Variants in ALCAM observed in about 807,000 individuals in gnomAD.
ALCAM encodes the protein CD166 antigen.
In ALCAM, 30 loss-of-function variants were observed where a neutral mutation model predicts 70.9. That is an observed-to-expected ratio of 0.42 (90% CI 0.32 to 0.57). The LOEUF (loss-of-function observed/expected upper bound fraction) is 0.57. Ranked by LOEUF, ALCAM falls within the 20% of genes least tolerant of loss-of-function variation. ALCAM has a pLI of 0.11. For synonymous variants in ALCAM, 249 were observed against 242.5 expected (o/e 1.03, Z -0.25); for missense variants, 591 against 695.1 (o/e 0.85, Z 1.68).
chr3:105,555,461 A>G (rs1241399976), intron 14 of ALCAM, among the ~76,000 whole-genome samples: 1 of 152,038 alleles, frequency 6.6e-6, no homozygotes, highest in Non-Finnish European at 1.5e-5. Flanking sequence ...AGTCTTCTTA[A>G]CCCTTCAAGC....
In ALCAM at chr3:105,571,940, G is replaced by C. The variant is rs1940868135; in HGVS notation, c.*1G>C. The C allele has an allele frequency of 6.2e-7, 1 of 1,607,944 alleles. No individual in the cohort carries two copies. Among genetic ancestry groups the C allele is most frequent in the Admixed American group, 1.7e-5 (1 of 59,832 alleles). On this transcript the variant is annotated 3_prime_UTR_variant, in exon 15 of 16. Coordinates refer to ENST00000306107, the MANE Select transcript of ALCAM (RefSeq NM_001627.4). ...AAACAATCACAAAACTGAAGCCTAA[G>C]AGAGAAACTGTCCTAGTTGTCCAGG...
chr3:105,379,661 A>G (rs1935467259), intron 1 of ALCAM, among the ~76,000 whole-genome samples: 1 of 151,802 alleles, frequency 6.6e-6, no homozygotes, highest in African/African-American at 2.4e-5. Context: ...TAAATACATT[A>G]TTTCTCAAGT....
chr3:105,570,142 A>T (rs566778132), intron 14 of ALCAM, among the ~76,000 whole-genome samples: 1 of 152,182 alleles, frequency 6.6e-6, no homozygotes, highest in Non-Finnish European at 1.5e-5. Flanking sequence ...AAGAGTCAAG[A>T]AAATACAATC....
chr3:105,528,631 C>T (rs1343084603), intron 3 of ALCAM, among the ~76,000 whole-genome samples: 2 of 152,094 alleles, frequency 1.3e-5, no homozygotes, highest in East Asian at 3.9e-4. Flanking sequence ...AACACAGGAA[C>T]AGAAACCAAA....
chr3:105,532,149 G>A (rs1939855985), intron 4 of ALCAM, 83 bp downstream of exon 4: 1 of 1,182,952 alleles, frequency 8.5e-7, no homozygotes, highest in East Asian at 2.3e-5. Context: ...AGACAAGTAA[G>A]AAAGGCTTTG....
chr3:105,481,875 T>C (rs142912518), intron 1 of ALCAM, among the ~76,000 whole-genome samples: 4 of 152,300 alleles, frequency 2.6e-5, no homozygotes, highest in African/African-American at 7.2e-5. Flanking sequence ...GGCCAATTCA[T>C]TAAAGATAAA....
At chr3:105,495,409 A>G (rs1938705713) in intron 1 of ALCAM, among the ~76,000 whole-genome samples, 1 of 150,626 alleles carries the variant, frequency 6.6e-6, no homozygotes, top group Admixed American at 6.7e-5. Flanking sequence ...AAGAATGAAC[A>G]GGGTGAAATT....
chr3:105,528,063 C>T (rs1164338829), intron 3 of ALCAM, among the ~76,000 whole-genome samples: 1 of 152,138 alleles, frequency 6.6e-6, no homozygotes, highest in East Asian at 1.9e-4. Context: ...TGATTGCTGA[C>T]AAAGTACTGG....
At chr3:105,534,501 C>A (rs76830387) in intron 5 of ALCAM, among the ~76,000 whole-genome samples, 162 bp from the exon 6 acceptor site, 2 of 151,928 alleles carry the variant, frequency 1.3e-5, no homozygotes, top group Non-Finnish European at 2.9e-5. Flanking sequence ...CTCTGATTCA[C>A]GGTTTTGAAA....
rs540364247 is a variant in ALCAM at position 105,389,248 on chromosome 3, A to G, written c.73+21767A>G. Among the ~76,000 whole-genome samples, 71 of 151,560 alleles carry G rather than the reference A, an allele frequency of 4.7e-4. 1 individual carries two copies. The highest frequency in any genetic ancestry group is 4.9e-4 in the Non-Finnish European group (33 of 67,648). ...CAATTTTCTTTATCCTTATTTATTA[A>G]AAATACGGGATGAAAGTAAGAAAGA... is the stretch of plus-strand genomic sequence containing the variant. On this transcript the variant is annotated intron_variant, in intron 1 of 15. Transcript: ENST00000306107.
chr3:105,400,541 A>C (rs1284015533), intron 1 of ALCAM, among the ~76,000 whole-genome samples: 1 of 152,238 alleles, frequency 6.6e-6, no homozygotes, highest in Non-Finnish European at 1.5e-5. Context: ...CTATAAATTT[A>C]GAAGAGTAAT....
intron 1 of ALCAM, among the ~76,000 whole-genome samples, chr3:105,400,949 A>G (rs1936073177): frequency 6.6e-6 from 1 of 152,244 alleles, no homozygotes; most frequent in South Asian, 2.1e-4. Context: ...AATGTGTATT[A>G]AAGCATTTTG....
chr3:105,567,768 A>G (rs1202185540), intron 14 of ALCAM, among the ~76,000 whole-genome samples: 3 of 152,176 alleles, frequency 2.0e-5, no homozygotes, highest in Admixed American at 6.5e-5. Flanking sequence ...GTAAATCTGC[A>G]TCACCTAAGG....
At chr3:105,551,817 C>T (rs1169819687) in intron 12 of ALCAM, among the ~76,000 whole-genome samples, 2 of 151,218 alleles carry the variant, frequency 1.3e-5, no homozygotes, top group African/African-American at 4.9e-5. Context: ...TGCCGACTTG[C>T]TTCCCTAAAA....
chr3:105,409,705 A>G (rs1324789229), intron 1 of ALCAM, among the ~76,000 whole-genome samples: 2 of 152,050 alleles, frequency 1.3e-5, no homozygotes, highest in Admixed American at 6.6e-5. Flanking sequence ...ACCTATAGAA[A>G]TTAAAAAAAA....
chr3:105,545,429 T>C, intron 9 of ALCAM, 94 bp downstream of exon 9: 2 of 809,764 alleles, frequency 2.5e-6, no homozygotes, highest in African/African-American at 1.7e-5. Flanking sequence ...GGTATATTCA[T>C]GGATGTGTTT....
intron 1 of ALCAM, among the ~76,000 whole-genome samples, chr3:105,486,719 A>G (rs1311758342): frequency 6.6e-6 from 1 of 152,150 alleles, no homozygotes; most frequent in Non-Finnish European, 1.5e-5. Context: ...GATAGGGGAC[A>G]TATAGGAAAG....
intron 1 of ALCAM, among the ~76,000 whole-genome samples, chr3:105,374,023 A>T (rs987811609): frequency 5.3e-5 from 8 of 152,244 alleles, no homozygotes; most frequent in African/African-American, 1.9e-4. Context: ...AAAAGAAAAG[A>T]ACATGTATAT....
intron 1 of ALCAM, among the ~76,000 whole-genome samples, chr3:105,487,226 C>G (rs935008446): frequency 6.6e-6 from 1 of 152,080 alleles, no homozygotes; most frequent in Non-Finnish European, 1.5e-5. Context: ...CCATTCTATT[C>G]TCCCATCTAC....
Sources: allele counts gnomAD v4.1 joint callset (sites outside exome capture counted in the v4.1 genomes callset), GRCh38; gene constraint gnomAD v4.1.1; transcripts MANE v1.5; gene names NCBI Gene and HGNC (gene_info 2026-07-23, HGNC 2026-07-21).